The following DIAPH3 variants were observed in gnomAD, a reference collection of about 807,000 sequenced individuals.
DIAPH3 encodes protein diaphanous homolog 3.
A neutral mutation model predicts 144.3 loss-of-function variants in DIAPH3; 117 were observed. That is an observed-to-expected ratio of 0.81 (90% CI 0.70 to 0.95). The LOEUF (loss-of-function observed/expected upper bound fraction) is 0.95. DIAPH3 is among the 40% of genes least tolerant of loss of function. DIAPH3 has a pLI of 0.00. For synonymous variants in DIAPH3, 519 were observed against 488.9 expected (o/e 1.06, Z -0.81); for missense variants, 1,421 against 1,412.7 (o/e 1.01, Z -0.09).
At chr13:59,682,096 A>C (rs2032979569) in intron 27 of DIAPH3, among the ~76,000 whole-genome samples, 1 of 152,176 alleles carries the variant, frequency 6.6e-6, no homozygotes, top group Non-Finnish European at 1.5e-5. Flanking sequence ...GTCCATACTT[A>C]TCTTTGCTGT....
chr13:59,888,012 C>A (rs2045558279), intron 20 of DIAPH3, among the ~76,000 whole-genome samples: 1 of 151,988 alleles, frequency 6.6e-6, no homozygotes, highest in Non-Finnish European at 1.5e-5. Flanking sequence ...AATACACATA[C>A]CCATGATATT....
intron 20 of DIAPH3, among the ~76,000 whole-genome samples, chr13:59,889,728 T>G (rs1015468788): frequency 6.6e-6 from 1 of 152,114 alleles, no homozygotes; most frequent in African/African-American, 2.4e-5. Context: ...AATATCCCAT[T>G]GAAAACTATT....
At chr13:60,146,274 G>A (rs1951517849) in intron 1 of DIAPH3, among the ~76,000 whole-genome samples, 2 of 152,014 alleles carry the variant, frequency 1.3e-5, no homozygotes, top group Non-Finnish European at 2.9e-5. Flanking sequence ...GTGCAGGCTG[G>A]GTCATAAAGA....
At chr13:59,885,713 G>A (rs186545604) in intron 20 of DIAPH3, among the ~76,000 whole-genome samples, 9 of 152,090 alleles carry the variant, frequency 5.9e-5, no homozygotes, top group East Asian at 5.8e-4. Context: ...TTTAGCATAC[G>A]TAATTAAATT....
intron 1 of DIAPH3, among the ~76,000 whole-genome samples, chr13:60,137,330 C>T (rs2059310570): frequency 1.3e-5 from 2 of 152,208 alleles, no homozygotes. Context: ...GAAGATAGTA[C>T]ATGCTGTCAA....
intron 24 of DIAPH3, among the ~76,000 whole-genome samples, chr13:59,822,963 C>T (rs2041157181): frequency 6.6e-6 from 1 of 151,730 alleles, no homozygotes; most frequent in Non-Finnish European, 1.5e-5. Context: ...GTTAATATAT[C>T]TTATTATTAT....
At chr13:59,988,868 T>C (rs1011571428) in intron 12 of DIAPH3, among the ~76,000 whole-genome samples, 2 of 151,844 alleles carry the variant, frequency 1.3e-5, no homozygotes, top group East Asian at 1.9e-4. Flanking sequence ...CACCCAATTA[T>C]CTTGCTGTAT....
intron 27 of DIAPH3, among the ~76,000 whole-genome samples, chr13:59,721,946 C>T (rs2035366120): frequency 6.6e-6 from 1 of 152,200 alleles, no homozygotes; most frequent in African/African-American, 2.4e-5. Context: ...GTGGTACTGG[C>T]TGCTTGTGCT....
At chr13:60,110,977 A>C (rs1480011688) in intron 3 of DIAPH3, among the ~76,000 whole-genome samples, 1 of 152,188 alleles carries the variant, frequency 6.6e-6, no homozygotes, top group Non-Finnish European at 1.5e-5. Flanking sequence ...TGGCCTCCAT[A>C]AATGTTTAAC....
Position 59,930,391 on chromosome 13 carries a change from G to A in DIAPH3, c.2075-5521C>T, listed in dbSNP as rs555307129. 1.5e-4 allele frequency among the ~76,000 whole-genome samples: 23 copies of A among 152,244 alleles called. No individual in the cohort carries two copies. In the South Asian group the frequency reaches 4.4e-3, roughly 29 times the overall value. On this transcript the variant is annotated intron_variant, in intron 17 of 27. Transcript: ENST00000400324. ...GAAAACTACACAAGAATAAAGAAGA[G>A]CACCCTAACTATGCTTGTCAAAAAT...
chr13:59,886,832 AT>A (rs1322024600), intron 20 of DIAPH3, among the ~76,000 whole-genome samples: 2 of 152,054 alleles, frequency 1.3e-5, no homozygotes, highest in African/African-American at 4.8e-5. Flanking sequence ...CACATAGACA[AT>A]TAGGTCAGCT....
intron 20 of DIAPH3, among the ~76,000 whole-genome samples, chr13:59,900,611 G>C (rs1187719114): frequency 6.6e-6 from 1 of 152,188 alleles, no homozygotes; most frequent in East Asian, 1.9e-4. Context: ...GGAGAAGACT[G>C]AGAAAAACAG....
chr13:59,806,707 A>G (rs189021793), intron 25 of DIAPH3, among the ~76,000 whole-genome samples: 273 of 152,048 alleles, frequency 1.8e-3, no homozygotes, highest in African/African-American at 6.3e-3. Flanking sequence ...TTATCACTGT[A>G]ATCTCAACAT....
chr13:59,839,273 T>C lies in DIAPH3; in HGVS notation c.2862+51A>G. ...AAGACATCTAAAATATTAAATAAAT[T>C]GTATCTCTAGTTGACTAGTGACTTA... is the stretch of plus-strand genomic sequence containing the variant. On this transcript the variant is annotated intron_variant, in intron 23 of 27. Coordinates refer to ENST00000400324, the MANE Select transcript of DIAPH3 (RefSeq NM_001042517.2). The C allele has an allele frequency of 3.1e-6, 5 of 1,603,646 alleles. No individual in the cohort carries two copies. The South Asian group carries it at 5.5e-5, about 18-fold the overall frequency.
At chr13:59,858,875 A>G (rs975473454) in intron 22 of DIAPH3, among the ~76,000 whole-genome samples, 3 of 152,164 alleles carry the variant, frequency 2.0e-5, no homozygotes, top group African/African-American at 7.2e-5. Flanking sequence ...GATTTTTGAA[A>G]ATTGTCATAC....
intron 27 of DIAPH3, among the ~76,000 whole-genome samples, chr13:59,746,915 A>G (rs1407895293): frequency 3.3e-5 from 5 of 152,196 alleles, no homozygotes. Flanking sequence ...AAATGAATTT[A>G]TGTTTTAAAA....
intron 9 of DIAPH3, among the ~76,000 whole-genome samples, chr13:59,998,481 C>A (rs895028447): frequency 2.0e-5 from 3 of 151,974 alleles, no homozygotes; most frequent in African/African-American, 7.2e-5. Context: ...AGTAATTGAT[C>A]GGTTAATTAT....
intron 27 of DIAPH3, among the ~76,000 whole-genome samples, chr13:59,684,908 T>G (rs1484946859): frequency 6.6e-6 from 1 of 152,196 alleles, no homozygotes; most frequent in Non-Finnish European, 1.5e-5. Context: ...TGTATTTATG[T>G]GCTAATTTGC....
chr13:59,828,852 C>T (rs1298485612), intron 24 of DIAPH3, among the ~76,000 whole-genome samples: 4 of 151,792 alleles, frequency 2.6e-5, no homozygotes, highest in Non-Finnish European at 2.9e-5. Flanking sequence ...TCCCAATGAG[C>T]ACATTATCTA....
Sources: allele counts gnomAD v4.1 joint callset (sites outside exome capture counted in the v4.1 genomes callset), GRCh38; gene constraint gnomAD v4.1.1; transcripts MANE v1.5; gene names NCBI Gene and HGNC (gene_info 2026-07-23, HGNC 2026-07-21).